LONP2: variants seen among roughly 807,000 people sequenced by gnomAD.
The protein encoded by LONP2 is lon peptidase 2, peroxisomal.
A neutral mutation model predicts 85.6 loss-of-function variants in LONP2; 60 were observed. That is an observed-to-expected ratio of 0.70 (90% confidence interval 0.57 to 0.87). The LOEUF is 0.87. Among genes scored for constraint, LONP2 ranks in the 40% least tolerant of loss-of-function variants. The pLI is 0.00. For missense variants in LONP2, 860 were observed against 1,063.5 expected (o/e 0.81, Z 2.66); for synonymous variants, 395 against 389.7 (o/e 1.01, Z -0.16).
rs1456374756 is a variant in LONP2, at chr16:48,354,023, G to T, written c.*2221G>T. ...TGTTTTTTTTTTAATTCCAGGGGTGGGAGGTTGGTTGGTTGAAGTCTAAGC... is the reference window on the plus strand; with the variant it reads ...TGTTTTTTTTTTAATTCCAGGGGTGTGAGGTTGGTTGGTTGAAGTCTAAGC... On this transcript the variant is annotated 3_prime_UTR_variant, in exon 15 of 15. Transcript: ENST00000285737. 1 of 142,370 alleles carries T rather than the reference G, an allele frequency of 7.0e-6. No individual in the cohort carries two copies. Among genetic ancestry groups the T allele is most frequent in the Non-Finnish European group, 1.5e-5 (1 of 66,556 alleles). The allele number at this position is 142,370 out of a possible 1,614,324, so 8.8% of individuals were successfully genotyped here. A position where few individuals can be genotyped will look rare whatever the true frequency, so the allele number is the denominator to read the frequency against.
At chr16:48,258,355 A>G (rs1971805986) in intron 3 of LONP2, among the ~76,000 whole-genome samples, 1 of 149,860 alleles carries the variant, frequency 6.7e-6, no homozygotes, top group Non-Finnish European at 1.5e-5. Flanking sequence ...CAAAAAAAAA[A>G]AGAAAAAAAA....
At chr16:48,317,948 G>T (rs1973179805) in intron 11 of LONP2, among the ~76,000 whole-genome samples, 1 of 152,164 alleles carries the variant, frequency 6.6e-6, no homozygotes, top group Non-Finnish European at 1.5e-5. Context: ...TGCTGTATTT[G>T]CCTTAGGTGG....
chr16:48,320,385 A>G (rs767076604), intron 11 of LONP2, among the ~76,000 whole-genome samples: 12 of 152,164 alleles, frequency 7.9e-5, no homozygotes, highest in Non-Finnish European at 1.6e-4. Flanking sequence ...ATAAGAATTT[A>G]TAATTTTCCA....
chr16:48,359,701 A>G (rs1344810689), downstream of LONP2, among the ~76,000 whole-genome samples: 2 of 152,048 alleles, frequency 1.3e-5, no homozygotes, highest in African/African-American at 2.4e-5. Flanking sequence ...GGGTGACAAG[A>G]GTAAAACTCC....
chr16:48,326,249 T>C (rs1412832036), intron 11 of LONP2, among the ~76,000 whole-genome samples: 4 of 152,242 alleles, frequency 2.6e-5, no homozygotes, highest in Non-Finnish European at 4.4e-5. Context: ...TAGTCCTTTC[T>C]TGGAAAATTA....
Position 48,351,959 on chromosome 16 carries a change from A to G in LONP2, c.*157A>G. 1 of 618,072 alleles carries G rather than the reference A, an allele frequency of 1.6e-6. No individual in the cohort carries two copies. Among genetic ancestry groups the G allele is most frequent in the East Asian group, 2.7e-5 (1 of 36,498 alleles). 38.3% of individuals were successfully genotyped at this position (618,072 alleles called of 1,614,324 possible). A position where few individuals can be genotyped will look rare whatever the true frequency, so the allele number is the denominator to read the frequency against. ...CCTCAAGTAGTGGCTAGTGTTTAGT[A>G]TAGAAATATAAGATGTTGATTTAGT... On this transcript the variant is annotated 3_prime_UTR_variant, in exon 15 of 15. Coordinates refer to ENST00000285737, the MANE Select transcript of LONP2 (RefSeq NM_031490.5).
At chr16:48,290,341 T>G (rs766661065) in intron 8 of LONP2, among the ~76,000 whole-genome samples, 5 of 152,162 alleles carry the variant, frequency 3.3e-5, no homozygotes, top group South Asian at 4.1e-4. Flanking sequence ...GCACGGGTTT[T>G]TTCTCCATAT....
At chr16:48,297,164 C>T (rs1016065535) in intron 9 of LONP2, among the ~76,000 whole-genome samples, 4 of 152,028 alleles carry the variant, frequency 2.6e-5, no homozygotes, top group Non-Finnish European at 4.4e-5. Context: ...CTCGTGACCA[C>T]GCCCAGGTAA....
At chr16:48,256,793 T>C in intron 3 of LONP2, 52 bp downstream of exon 3, 1 of 1,566,186 alleles carries the variant, frequency 6.4e-7, no homozygotes, top group Non-Finnish European at 8.7e-7. Context: ...TTTATTGAGA[T>C]CTAGATAGTG....
At chr16:48,269,360 A>G (rs1361518340) in intron 6 of LONP2, among the ~76,000 whole-genome samples, 1 of 152,200 alleles carries the variant, frequency 6.6e-6, no homozygotes, top group Non-Finnish European at 1.5e-5. Context: ...AGCAGTAGGG[A>G]ATTAGTTAAA....
downstream of LONP2, among the ~76,000 whole-genome samples, chr16:48,357,606 G>C (rs144410153): frequency 2.0e-5 from 3 of 152,120 alleles, no homozygotes; most frequent in Non-Finnish European, 2.9e-5. Context: ...TGACCCCCCA[G>C]GTATGTTGGA....
At chr16:48,249,795 G>C (rs181985714) in intron 1 of LONP2, among the ~76,000 whole-genome samples, 2 of 152,364 alleles carry the variant, frequency 1.3e-5, no homozygotes, top group Admixed American at 1.3e-4. Flanking sequence ...ATTAAGGCAT[G>C]TATACATCTG....
intron 3 of LONP2, among the ~76,000 whole-genome samples, chr16:48,257,538 A>G (rs58405777): frequency 0.012 from 1,858 of 152,314 alleles, 39 homozygotes; most frequent in African/African-American, 0.042. Flanking sequence ...TAATCCAAGT[A>G]TAGAATCCTA....
At chr16:48,275,869 A>G (rs1016022073) in intron 7 of LONP2, among the ~76,000 whole-genome samples, 4 of 152,052 alleles carry the variant, frequency 2.6e-5, no homozygotes, top group African/African-American at 9.7e-5. Context: ...TAGGATTCCA[A>G]TTTTTTTAGA....
chr16:48,297,120 G>GT (rs1972689961), intron 9 of LONP2, among the ~76,000 whole-genome samples: 1 of 151,862 alleles, frequency 6.6e-6, no homozygotes, highest in Non-Finnish European at 1.5e-5. Flanking sequence ...TGAGTCTCGT[G>GT]TGTCAGCCTC....
intron 4 of LONP2, 122 bp downstream of exon 4, chr16:48,258,862 C>T: frequency 1.1e-6 from 1 of 875,100 alleles, no homozygotes; most frequent in Non-Finnish European, 1.6e-6. Flanking sequence ...TTAGGTGTTT[C>T]CCTCTCATCC....
downstream of LONP2, among the ~76,000 whole-genome samples, chr16:48,357,865 G>GA (rs1417992740): frequency 6.6e-6 from 1 of 152,074 alleles, no homozygotes; most frequent in East Asian, 1.9e-4. Context: ...ACTCACAAAG[G>GA]AAAAACTGTT....
chr16:48,249,066 C>A (rs1971552762), intron 1 of LONP2, among the ~76,000 whole-genome samples: 3 of 152,080 alleles, frequency 2.0e-5, no homozygotes, highest in Non-Finnish European at 1.5e-5. Context: ...TTCCAAATTA[C>A]ACAAATTGTA....
At chr16:48,292,749 A>G (rs1217840784) in intron 8 of LONP2, among the ~76,000 whole-genome samples, 2 of 152,056 alleles carry the variant, frequency 1.3e-5, no homozygotes, top group Non-Finnish European at 1.5e-5. Flanking sequence ...GTTTCTGTAC[A>G]CTCTTTGTTT....
Sources: allele counts gnomAD v4.1 joint callset (sites outside exome capture counted in the v4.1 genomes callset), GRCh38; gene constraint gnomAD v4.1.1; transcripts MANE v1.5; gene names NCBI Gene and HGNC (gene_info 2026-07-23, HGNC 2026-07-21).